Variants in CAMK4 observed in about 807,000 individuals in gnomAD.
The protein encoded by CAMK4 is calcium/calmodulin dependent protein kinase IV, also known as calcium/calmodulin-dependent protein kinase type IV.
A neutral mutation model predicts 44.9 loss-of-function variants in CAMK4; 22 were observed. That is an observed-to-expected ratio of 0.49 (90% CI 0.35 to 0.70). CAMK4 has a LOEUF of 0.70. Among genes scored for constraint, CAMK4 ranks in the 30% least tolerant of loss-of-function variants. The probability of loss-of-function intolerance (pLI) is 0.01; values close to 1 mark genes in which losing one functional copy is unlikely to be tolerated. For synonymous variants in CAMK4, 218 were observed against 215.4 expected, an observed-to-expected ratio of 1.01 and a Z score of -0.11; for missense variants, 498 against 586.8, an observed-to-expected ratio of 0.85 and a Z score of 1.56.
Position 111,344,049 on chromosome 5 carries a change from T to TGCAAACAG in CAMK4, c.188_195dup (p.Lys66AlafsTer15), listed in dbSNP as rs746908521. On this transcript the variant is annotated frameshift_variant, in exon 2 of 11. Transcript: ENST00000282356. LOFTEE classifies it high-confidence loss of function. Reference sequence around the variant, plus strand: ...GGGTGCTACATCCATTGTGTACAGATGCAAACAGAAGGGGACCCAGAAGCC... The same window carrying TGCAAACAG: ...GGGTGCTACATCCATTGTGTACAGATGCAAACAGGCAAACAGAAGGGGACCCAGAAGCC... 1.2e-6 allele frequency: 2 copies of TGCAAACAG among 1,607,238 alleles called. No individual in the cohort carries two copies. The highest frequency in any genetic ancestry group is 1.7e-6 in the Non-Finnish European group (2 of 1,174,566).
chr5:111,270,615 C>T (rs763539193), intron 1 of CAMK4, among the ~76,000 whole-genome samples: 1 of 152,136 alleles, frequency 6.6e-6, no homozygotes, highest in Admixed American at 6.5e-5. Flanking sequence ...ATCAGCTTAC[C>T]CCTATTCCCT....
At chr5:111,327,415 A>G (rs1748946720) in intron 1 of CAMK4, among the ~76,000 whole-genome samples, 6 of 152,164 alleles carry the variant, frequency 3.9e-5, no homozygotes, top group Admixed American at 3.9e-4. Flanking sequence ...TCGTTGTGGG[A>G]CATTTGGGTT....
intron 2 of CAMK4, among the ~76,000 whole-genome samples, chr5:111,363,673 A>G (rs1750684425): frequency 6.6e-6 from 1 of 151,970 alleles, no homozygotes; most frequent in Non-Finnish European, 1.5e-5. Flanking sequence ...GTGACTCTCA[A>G]TGAACCAAGT....
intron 5 of CAMK4, among the ~76,000 whole-genome samples, chr5:111,420,033 C>T (rs540477177): frequency 2.6e-5 from 4 of 151,958 alleles, no homozygotes; most frequent in African/African-American, 9.7e-5. Flanking sequence ...TTACCTTGGG[C>T]AGTATGGCCA....
At chr5:111,337,161 C>G (rs1749441653) in intron 1 of CAMK4, among the ~76,000 whole-genome samples, 1 of 151,072 alleles carries the variant, frequency 6.6e-6, no homozygotes, top group African/African-American at 2.4e-5. Flanking sequence ...GAGATTCAAC[C>G]AAGTTGTTTT....
chr5:111,460,751 C>T (rs1307146059), intron 7 of CAMK4, among the ~76,000 whole-genome samples: 1 of 152,118 alleles, frequency 6.6e-6, no homozygotes, highest in Non-Finnish European at 1.5e-5. Context: ...GAGACTCAGT[C>T]TGATTCAGAG....
At position 111,281,841 on chromosome 5, in the gene CAMK4, G is replaced by T. The variant is rs1332469847; in HGVS notation, c.161+57197G>T. 3.3e-5 allele frequency among the ~76,000 whole-genome samples: 5 copies of T among 151,932 alleles called. No individual in the cohort carries two copies. The East Asian group carries it at 7.7e-4, about 24-fold the overall frequency. On this transcript the variant is annotated intron_variant, in intron 1 of 10. Transcript: ENST00000282356. ...TGGGAGGCCGAGGCGGGCGGATCACGAGGTCAGGAGATCGAGACCATCCTG... is the reference window on the plus strand; with the variant it reads ...TGGGAGGCCGAGGCGGGCGGATCACTAGGTCAGGAGATCGAGACCATCCTG...
At chr5:111,296,257 G>C (rs752303950) in intron 1 of CAMK4, among the ~76,000 whole-genome samples, 49 of 152,136 alleles carry the variant, frequency 3.2e-4, no homozygotes, top group Admixed American at 5.9e-4. Flanking sequence ...TTAAGCTTCC[G>C]TTTAGGAAAT....
At chr5:111,226,292 G>T (rs921906910) in intron 1 of CAMK4, among the ~76,000 whole-genome samples, 41 of 152,324 alleles carry the variant, frequency 2.7e-4, no homozygotes, top group African/African-American at 9.9e-4. Context: ...ACTGCCAATT[G>T]TATACCCCTA....
chr5:111,334,489 G>A (rs747571984), intron 1 of CAMK4, among the ~76,000 whole-genome samples: 6 of 151,392 alleles, frequency 4.0e-5, no homozygotes, highest in Non-Finnish European at 8.9e-5. Flanking sequence ...AGATTTTGAC[G>A]TTTTTTAGGT....
At chr5:111,282,176 C>T (rs1751051449) in intron 1 of CAMK4, among the ~76,000 whole-genome samples, 1 of 152,074 alleles carries the variant, frequency 6.6e-6, no homozygotes, top group Non-Finnish European at 1.5e-5. Context: ...AAATATGGGG[C>T]TGTTTGGCTA....
At chr5:111,284,574 A>G (rs978300037) in intron 1 of CAMK4, among the ~76,000 whole-genome samples, 8 of 151,950 alleles carry the variant, frequency 5.3e-5, no homozygotes, top group Non-Finnish European at 1.0e-4. Flanking sequence ...CTCTTGCTCT[A>G]CCTCCCCACC....
At chr5:111,446,243 C>T (rs1186050670) in intron 5 of CAMK4, among the ~76,000 whole-genome samples, 2 of 152,202 alleles carry the variant, frequency 1.3e-5, no homozygotes, top group South Asian at 2.1e-4. Context: ...AAAATACTCA[C>T]ATCTATATGT....
In CAMK4 at chr5:111,360,156, T is replaced by C. The variant is rs149548325; in HGVS notation, c.241-14694T>C. On this transcript the variant is annotated intron_variant, in intron 2 of 10. Coordinates refer to ENST00000282356, the MANE Select transcript of CAMK4 (RefSeq NM_001744.6). ...ACCTGGGAGGAAAACATACTAAAAATTTCCAGTCAAAGATATCTTAGTTTA... is the reference window on the plus strand; with the variant it reads ...ACCTGGGAGGAAAACATACTAAAAACTTCCAGTCAAAGATATCTTAGTTTA... 2.9e-3 allele frequency among the ~76,000 whole-genome samples: 446 copies of C among 152,224 alleles called. 1 individual carries two copies. The highest frequency in any genetic ancestry group is 0.01 in the African/African-American group (421 of 41,570).
chr5:111,288,688 A>G (rs1751329054), intron 1 of CAMK4, among the ~76,000 whole-genome samples: 1 of 152,160 alleles, frequency 6.6e-6, no homozygotes, highest in Non-Finnish European at 1.5e-5. Context: ...ATGGCAGAAC[A>G]TGGGGTAGAG....
At chr5:111,328,472 T>G (rs558176062) in intron 1 of CAMK4, among the ~76,000 whole-genome samples, 1 of 152,236 alleles carries the variant, frequency 6.6e-6, no homozygotes, top group African/African-American at 2.4e-5. Flanking sequence ...TCTTTTGGCT[T>G]AGGAGTGACT....
intron 4 of CAMK4, among the ~76,000 whole-genome samples, chr5:111,394,270 T>C (rs1348158928): frequency 6.6e-6 from 1 of 152,178 alleles, no homozygotes; most frequent in African/African-American, 2.4e-5. Flanking sequence ...TCCTCAAATA[T>C]TTATAAATGA....
intron 4 of CAMK4, among the ~76,000 whole-genome samples, chr5:111,389,760 A>T (rs150095575): frequency 6.6e-6 from 1 of 152,220 alleles, no homozygotes. Context: ...TTTAACAGCT[A>T]TTCTTCTCCA....
In CAMK4 at chr5:111,486,714, G is replaced by A. The variant is rs1755644191; in HGVS notation, c.*2248G>A. ...GGCGGACTGCATTGTTTGGCCCTGAGAACTATAGAAACAACGTTGCAAATA... is the reference window on the plus strand; with the variant it reads ...GGCGGACTGCATTGTTTGGCCCTGAAAACTATAGAAACAACGTTGCAAATA... On this transcript the variant is annotated 3_prime_UTR_variant, in exon 11 of 11. Transcript: ENST00000282356. 6.6e-6 allele frequency: 1 copy of A among 152,012 alleles called. No individual in the cohort carries two copies. Among genetic ancestry groups the A allele is most frequent in the Non-Finnish European group, 1.5e-5 (1 of 68,006 alleles). The allele number at this position is 152,012 out of a possible 1,614,324, so 9.4% of individuals were successfully genotyped here.
Sources: gnomAD v4.1 joint callset for allele counts (sites outside exome capture counted in the v4.1 genomes callset) on GRCh38, gnomAD v4.1.1 for gene constraint, MANE v1.5 for transcripts, NCBI Gene and HGNC (gene_info 2026-07-23, HGNC 2026-07-21) for gene names.